Variants in FSCN1 observed in about 807,000 individuals in gnomAD.
FSCN1 encodes the protein fascin.
In FSCN1, 10 loss-of-function variants were observed where a neutral mutation model predicts 39.7. The ratio of observed to expected loss-of-function variants is 0.25; its 90% confidence interval spans 0.16 to 0.43. The LOEUF is 0.43. Among genes scored for constraint, FSCN1 ranks in the 20% least tolerant of loss-of-function variants. The pLI is 1.00. For missense variants in FSCN1, 525 were observed against 723.8 expected, an observed-to-expected ratio of 0.73 and a Z score of 3.15; for synonymous variants, 322 against 320.0, an observed-to-expected ratio of 1.01 and a Z score of -0.07.
At position 5,603,087 on chromosome 7, in the gene FSCN1, G is replaced by C; in HGVS notation, c.833-170G>C. ...TTGGCCTCTGACCGGCCCTGCCTGC[G>C]TTCCTGGGTGCTCTCTGCTGCTTCT... On this transcript the variant is annotated intron_variant, in intron 1 of 4. Coordinates refer to ENST00000382361, the MANE Select transcript of FSCN1 (RefSeq NM_003088.4). This position sits in a 1 kb window ranked among gnomAD's most constrained non-coding sequence, Gnocchi z 8.5. 1 of 691,028 alleles carries C rather than the reference G, an allele frequency of 1.4e-6. No homozygotes were observed. Among genetic ancestry groups the C allele is most frequent in the Non-Finnish European group, 2.5e-6 (1 of 405,632 alleles). 42.8% of individuals were successfully genotyped at this position (691,028 alleles called of 1,614,324 possible).
rs1785677760 is a variant in FSCN1 at position 5,593,813 on chromosome 7, GCGCACCCCACC to G, written c.832+49_832+59del. 8 of 1,296,988 alleles carry G rather than the reference GCGCACCCCACC, an allele frequency of 6.2e-6. No individual in the cohort carries two copies. In the South Asian group the frequency reaches 9.5e-5, roughly 15 times the overall value. The allele number at this position is 1,296,988 out of a possible 1,614,324, so 80.3% of individuals were successfully genotyped here. A position where few individuals can be genotyped will look rare whatever the true frequency, so the allele number is the denominator to read the frequency against. The stretch of plus-strand genomic sequence containing the variant: ...CCGCCTCTCCTGGTCCGTGCACAAA[GCGCACCCCACC>G]CGCGCCCCTCCAGCCTCCCGCCCTT... On this transcript the variant is annotated intron_variant, in intron 1 of 4. Transcript: ENST00000382361.
In FSCN1 at chr7:5,605,535, A is replaced by G; in HGVS notation, c.*61A>G. 1 of 1,259,988 alleles carries G rather than the reference A, an allele frequency of 7.9e-7. No homozygotes were observed. The highest frequency in any genetic ancestry group is 1.1e-6 in the Non-Finnish European group (1 of 912,542). 78.1% of individuals were successfully genotyped at this position (1,259,988 alleles called of 1,614,324 possible). A position where few individuals can be genotyped will look rare whatever the true frequency, so the allele number is the denominator to read the frequency against. On this transcript the variant is annotated 3_prime_UTR_variant, in exon 5 of 5. Transcript: ENST00000382361. The surrounding 1 kb of genome is among the most constrained non-coding windows in gnomAD (Gnocchi z 6.9). ...CGGCTCCTGCCAACCCTCCCTGCTA[A>G]CCCCTTCTCCGCCAGGTGGGCTCCA...
chr7:5,592,994 G>C lies in FSCN1; in HGVS notation c.58G>C (p.Gly20Arg). Residue 20 changes from glycine to arginine, a missense_variant, in exon 1 of 5, where the codon GGC becomes CGC. Gly to Arg is a moderately radical substitution (Grantham distance 125). This residue lies in a region of FSCN1 where 246 missense variants were observed against 350.6 expected (regional missense o/e 0.70). Transcript: ENST00000382361. This position sits in a 1 kb window ranked among gnomAD's most constrained non-coding sequence, Gnocchi z 5.3. ...GATCCAGTTCGGCCTCATCAACTGC[G>C]GCAACAAGTACCTGACGGCCGAGGC... ...VQIQFGLINC[G>R]NKYLTAEAFG... The C allele has an allele frequency of 6.3e-7, 1 of 1,594,942 alleles. No individual in the cohort carries two copies. The highest frequency in any genetic ancestry group is 1.7e-5 in the Admixed American group (1 of 57,598).
intron 1 of FSCN1, among the ~76,000 whole-genome samples, chr7:5,595,543 T>C (rs1200394361): frequency 6.6e-6 from 1 of 152,194 alleles, no homozygotes; most frequent in East Asian, 1.9e-4. Context: ...GGTTATTAGA[T>C]GGCTGAGTCC....
Position 5,593,920 on chromosome 7 carries a change from G to T in FSCN1, c.832+152G>T, listed in dbSNP as rs563426795. ...CCCCGCTAGGCACGCGGGCTACCCC[G>T]CCTGGAGGGGGCGAGGAGTGGGGCT... On this transcript the variant is annotated intron_variant, in intron 1 of 4. Transcript: ENST00000382361. 2.2e-5 allele frequency: 13 copies of T among 597,018 alleles called. No individual in the cohort carries two copies. In the Admixed American group the frequency reaches 3.3e-4, roughly 15 times the overall value. 37.0% of individuals were successfully genotyped at this position (597,018 alleles called of 1,614,324 possible).
In FSCN1 at chr7:5,599,101, G is replaced by T. The variant is rs1785781361; in HGVS notation, c.833-4156G>T. 1.7e-5 allele frequency among the ~76,000 whole-genome samples: 2 copies of T among 120,440 alleles called. No individual in the cohort carries two copies. The highest frequency in any genetic ancestry group is 3.3e-5 in the African/African-American group (1 of 30,530). The allele number at this position is 120,440 out of a possible 152,430, so 79.0% of individuals were successfully genotyped here. On this transcript the variant is annotated intron_variant, in intron 1 of 4. Coordinates refer to ENST00000382361, the MANE Select transcript of FSCN1 (RefSeq NM_003088.4). This position sits in a 1 kb window ranked among gnomAD's most constrained non-coding sequence, Gnocchi z 5.6. The stretch of plus-strand genomic sequence containing the variant: ...CAGCCCTCGTGTTCCCTGGGGTGTG[G>T]CCTTAGGATGGTCCCGGCACCCTGG...
Position 5,604,018 on chromosome 7 carries a change from T to C in FSCN1, c.1267T>C (p.Tyr423His), listed in dbSNP as rs762415237. Residue 423 changes from tyrosine (Y) to histidine (H), a missense_variant, in exon 4 of 5, where the codon TAC becomes CAC. Coordinates refer to ENST00000382361, the MANE Select transcript of FSCN1 (RefSeq NM_003088.4). ...CCAGCTGGAGTTCAACGATGGCGCC[T>C]ACAACATCAAAGGCAGGTTCTCCTG... is the stretch of plus-strand genomic sequence containing the variant. The part of the protein sequence containing the change: ...VFQLEFNDGA[Y>H]NIKDSTGKYW... The C allele has an allele frequency of 6.2e-7, 1 of 1,613,538 alleles. No homozygotes were observed. Among genetic ancestry groups the C allele is most frequent in the Non-Finnish European group, 8.5e-7 (1 of 1,179,956 alleles).
At chr7:5,595,423 C>A (rs1785712465) in intron 1 of FSCN1, among the ~76,000 whole-genome samples, 1 of 152,230 alleles carries the variant, frequency 6.6e-6, no homozygotes, top group Admixed American at 6.5e-5. Flanking sequence ...CTCACCTGAT[C>A]AGCAGGCATT....
chr7:5,595,922 G>T (rs988871722), intron 1 of FSCN1, among the ~76,000 whole-genome samples: 2 of 152,124 alleles, frequency 1.3e-5, no homozygotes, highest in African/African-American at 4.8e-5. Flanking sequence ...CTTGCTGGGG[G>T]CGTCTGGTGT....
At chr7:5,602,207 C>T (rs919567419) in intron 1 of FSCN1, among the ~76,000 whole-genome samples, 9 of 132,176 alleles carry the variant, frequency 6.8e-5, no homozygotes, top group Non-Finnish European at 9.8e-5. Flanking sequence ...TGCCTGGCCC[C>T]TTTTTTTTTT....
At position 5,601,214 on chromosome 7, in the gene FSCN1, T is replaced by G. The variant is rs1357582789; in HGVS notation, c.833-2043T>G. Among the ~76,000 whole-genome samples the G allele has an allele frequency of 7.7e-4, 113 of 146,760 alleles. 1 individual carries two copies. Among genetic ancestry groups the G allele is most frequent in the African/African-American group, 2.7e-3 (107 of 39,708 alleles). On this transcript the variant is annotated intron_variant, in intron 1 of 4. Coordinates refer to ENST00000382361, the MANE Select transcript of FSCN1 (RefSeq NM_003088.4). The stretch of plus-strand genomic sequence containing the variant: ...CTTTCTTCCTTTTTTTTTTTTTTTT[T>G]TTTTTTGAGATGGATTCTTGCTCTG...
chr7:5,593,857 C>CGCA, intron 1 of FSCN1, 89 bp downstream of exon 1: 1 of 922,994 alleles, frequency 1.1e-6, no homozygotes, highest in Non-Finnish European at 1.6e-6. Flanking sequence ...CTTTCTCGCT[C>CGCA]GCGGCGCCGC....
At chr7:5,598,367 G>A (rs1214044454) in intron 1 of FSCN1, among the ~76,000 whole-genome samples, 1 of 152,244 alleles carries the variant, frequency 6.6e-6, no homozygotes, top group Non-Finnish European at 1.5e-5. Context: ...GAATGGCTGG[G>A]AAGCTCCCTT....
chr7:5,596,024 A>G (rs1185698228), intron 1 of FSCN1, among the ~76,000 whole-genome samples: 3 of 126,044 alleles, frequency 2.4e-5, no homozygotes, highest in African/African-American at 6.0e-5. Context: ...GGGATGTGGG[A>G]CGGCGCGGGG....
chr7:5,592,830 A>C lies in FSCN1; in HGVS notation c.-107A>C, dbSNP rs1461841143. The stretch of plus-strand genomic sequence containing the variant: ...AGCTGGGCTTTGTGGAGCGCTGCGG[A>C]GGGTGCGTGCGGGCCGCGGCAGCCG... On this transcript the variant is annotated 5_prime_UTR_variant, in exon 1 of 5. Coordinates refer to ENST00000382361, the MANE Select transcript of FSCN1 (RefSeq NM_003088.4). This position sits in a 1 kb window ranked among gnomAD's most constrained non-coding sequence, Gnocchi z 5.3. 1 of 642,494 alleles carries C rather than the reference A, an allele frequency of 1.6e-6. No individual in the cohort carries two copies. The highest frequency in any genetic ancestry group is 2.1e-5 in the South Asian group (1 of 48,360). 39.8% of individuals were successfully genotyped at this position (642,494 alleles called of 1,614,324 possible).
intron 1 of FSCN1, among the ~76,000 whole-genome samples, chr7:5,595,525 C>A (rs1405321288): frequency 6.6e-6 from 1 of 152,128 alleles, no homozygotes; most frequent in African/African-American, 2.4e-5. Flanking sequence ...GAAAAGGCAG[C>A]GGGTACAGGT....
rs1016004336 is a variant in FSCN1, at chr7:5,599,805, T to A, written c.833-3452T>A. Among the ~76,000 whole-genome samples the A allele has an allele frequency of 1.3e-5, 2 of 151,278 alleles. No homozygotes were observed. Among genetic ancestry groups the A allele is most frequent in the African/African-American group, 4.9e-5 (2 of 41,142 alleles). The stretch of plus-strand genomic sequence containing the variant: ...CTGGGCAACAGAGCAAGACCCTATC[T>A]CTAAAAAAAAAATGGAATTGAGGAT... On this transcript the variant is annotated intron_variant, in intron 1 of 4. Coordinates refer to ENST00000382361, the MANE Select transcript of FSCN1 (RefSeq NM_003088.4). The surrounding 1 kb of genome is among the most constrained non-coding windows in gnomAD (Gnocchi z 5.6).
At position 5,603,030 on chromosome 7, in the gene FSCN1, G is replaced by T; in HGVS notation, c.833-227G>T. 1 of 579,116 alleles carries T rather than the reference G, an allele frequency of 1.7e-6. No homozygotes were observed. The highest frequency in any genetic ancestry group is 2.0e-5 in the South Asian group (1 of 48,808). The allele number at this position is 579,116 out of a possible 1,614,324, so 35.9% of individuals were successfully genotyped here. A position where few individuals can be genotyped will look rare whatever the true frequency, so the allele number is the denominator to read the frequency against. On this transcript the variant is annotated intron_variant, in intron 1 of 4. Transcript: ENST00000382361. The surrounding 1 kb of genome is among the most constrained non-coding windows in gnomAD (Gnocchi z 8.5). ...TGGCCCCTATTATTTCTCTAACTGG[G>T]GAAAGTCATGTGGGAACAGATGTAG...
Position 5,603,571 on chromosome 7 carries a change from G to C in FSCN1, c.1065G>C (p.Val355=), listed in dbSNP as rs1239106665. 1 of 1,614,140 alleles carries C rather than the reference G, an allele frequency of 6.2e-7. No individual in the cohort carries two copies. The highest frequency in any genetic ancestry group is 8.5e-7 in the Non-Finnish European group (1 of 1,180,020). ...ITLRASNGKF[V]TSKKNGQLAA... ...TGAGGGCGTCCAATGGCAAGTTTGT[G>C]ACCTCCAAGAAGAATGGGCAGCTGG... Residue 355 remains valine, a synonymous_variant, in exon 3 of 5, where the codon GTG becomes GTC. Transcript: ENST00000382361. The surrounding 1 kb of genome is among the most constrained non-coding windows in gnomAD (Gnocchi z 8.5).
Sources: allele counts gnomAD v4.1 joint callset (sites outside exome capture counted in the v4.1 genomes callset), GRCh38; gene constraint gnomAD v4.1.1; regional missense constraint gnomAD v4.1.1; non-coding constraint Gnocchi (gnomAD v3.1); transcripts MANE v1.5; gene names NCBI Gene and HGNC (gene_info 2026-07-23, HGNC 2026-07-21).